Variants in ROBO1 observed in about 807,000 individuals in gnomAD.
The protein encoded by ROBO1 is roundabout guidance receptor 1, also known as roundabout homolog 1.
In ROBO1, 149 loss-of-function variants were observed where a neutral mutation model predicts 195.9. The ratio of observed to expected loss-of-function variants is 0.76; its 90% confidence interval spans 0.67 to 0.87. The LOEUF is 0.87. Ranked by LOEUF, ROBO1 falls within the 40% of genes least tolerant of loss-of-function variation. The pLI, the probability that ROBO1 is intolerant of heterozygous loss-of-function variation, is 0.00. For synonymous variants in ROBO1, 816 were observed against 733.2 expected, an observed-to-expected ratio of 1.11 and a Z score of -1.82; for missense variants, 1,933 against 2,068.3, an observed-to-expected ratio of 0.93 and a Z score of 1.27.
rs113767434 is a variant in ROBO1, at chr3:79,093,441, A to G, written c.172+32015T>C. Among the ~76,000 whole-genome samples the G allele has an allele frequency of 7.8e-3, 1,190 of 152,296 alleles. 19 individuals carry two copies. The highest frequency in any genetic ancestry group is 0.027 in the African/African-American group (1,121 of 41,572). ...GGCTTGTCAATAAGCACAATTATCT[A>G]CAACTTACACCAACAAAAGATTATT... On this transcript the variant is annotated intron_variant, in intron 3 of 30. Coordinates refer to ENST00000464233, the MANE Select transcript of ROBO1 (RefSeq NM_002941.4).
rs745491470 is a variant in ROBO1, at chr3:78,962,102, G to C, written c.173-23175C>G. ...ACTAATCACTAGAGTGAAAATACTT[G>C]ATCAAAGTTGACAACAAATAATCCC... On this transcript the variant is annotated intron_variant, in intron 3 of 30. Transcript: ENST00000464233. 6.4e-4 allele frequency among the ~76,000 whole-genome samples: 97 copies of C among 152,224 alleles called. 1 individual carries two copies. Among genetic ancestry groups the C allele is most frequent in the Non-Finnish European group, 9.1e-4 (62 of 68,010 alleles).
intron 21 of ROBO1, 82 bp downstream of exon 21, chr3:78,646,066 G>T: frequency 8.3e-7 from 1 of 1,206,154 alleles, no homozygotes; most frequent in Non-Finnish European, 1.2e-6. Flanking sequence ...GACTTTTTAA[G>T]CAGAGAAAGT....
chr3:79,182,948 G>T (rs2081370385), intron 2 of ROBO1, among the ~76,000 whole-genome samples: 1 of 151,772 alleles, frequency 6.6e-6, no homozygotes, highest in African/African-American at 2.4e-5. Context: ...AGGTGTGGTG[G>T]CACGTGCCTG....
intron 1 of ROBO1, among the ~76,000 whole-genome samples, chr3:79,675,348 A>G (rs1195842439): frequency 6.6e-6 from 1 of 152,042 alleles, no homozygotes; most frequent in Non-Finnish European, 1.5e-5. Context: ...TGTTGAATCC[A>G]ACTCTCAATT....
chr3:78,857,606 C>A (rs116053093), intron 4 of ROBO1, among the ~76,000 whole-genome samples: 1 of 152,122 alleles, frequency 6.6e-6, no homozygotes, highest in Non-Finnish European at 1.5e-5. Context: ...GGAACATTTT[C>A]GAAAGGCAAA....
chr3:78,639,627 A>G, intron 22 of ROBO1, 117 bp downstream of exon 22: 1 of 985,576 alleles, frequency 1.0e-6, no homozygotes, highest in Non-Finnish European at 1.5e-6. Context: ...AATAGTCAGC[A>G]TTGGATAAAA....
intron 1 of ROBO1, among the ~76,000 whole-genome samples, chr3:79,760,122 A>C (rs1704607230): frequency 6.6e-6 from 1 of 151,408 alleles, no homozygotes; most frequent in African/African-American, 2.4e-5. Flanking sequence ...CTGTAGTCCC[A>C]GTTACTCGGG....
chr3:78,752,215 C>G (rs1270778795), intron 4 of ROBO1, among the ~76,000 whole-genome samples: 1 of 152,014 alleles, frequency 6.6e-6, no homozygotes, highest in African/African-American at 2.4e-5. Context: ...ACTCCTAGTT[C>G]CCTGTCTGAA....
At chr3:79,404,174 C>T (rs2037462172) in intron 2 of ROBO1, among the ~76,000 whole-genome samples, 1 of 152,004 alleles carries the variant, frequency 6.6e-6, no homozygotes, top group South Asian at 2.1e-4. Context: ...AACAGCTGAA[C>T]ACTTTCTCCT....
intron 1 of ROBO1, among the ~76,000 whole-genome samples, chr3:79,605,554 G>T (rs1306709089): frequency 1.3e-5 from 2 of 151,728 alleles, no homozygotes; most frequent in Non-Finnish European, 2.9e-5. Flanking sequence ...GTCTTTCCCA[G>T]CTCTACCATT....
At chr3:78,944,798 C>T (rs1358876125) in intron 3 of ROBO1, among the ~76,000 whole-genome samples, 1 of 152,166 alleles carries the variant, frequency 6.6e-6, no homozygotes, top group Non-Finnish European at 1.5e-5. Flanking sequence ...CCTGGAAAAT[C>T]GGGTCACTCC....
intron 3 of ROBO1, among the ~76,000 whole-genome samples, chr3:78,993,066 C>G (rs747127513): frequency 6.6e-6 from 1 of 152,114 alleles, no homozygotes; most frequent in Non-Finnish European, 1.5e-5. Flanking sequence ...CTCATAATCC[C>G]ACCATTTATA....
At chr3:79,028,194 G>C (rs973239406) in intron 3 of ROBO1, among the ~76,000 whole-genome samples, 1 of 151,858 alleles carries the variant, frequency 6.6e-6, no homozygotes, top group Non-Finnish European at 1.5e-5. Context: ...GAAACTGCCA[G>C]CAAAAGAAAG....
chr3:79,289,408 G>A (rs1016520354), intron 2 of ROBO1, among the ~76,000 whole-genome samples: 1 of 152,130 alleles, frequency 6.6e-6, no homozygotes, highest in African/African-American at 2.4e-5. Flanking sequence ...GAGGGAGAGA[G>A]GTTTGAAATT....
At chr3:78,925,137 C>CT (rs1300141341) in intron 4 of ROBO1, among the ~76,000 whole-genome samples, 2 of 151,958 alleles carry the variant, frequency 1.3e-5, no homozygotes, top group Non-Finnish European at 2.9e-5. Context: ...TTAATGAATA[C>CT]TTTTTTCTGC....
intron 2 of ROBO1, among the ~76,000 whole-genome samples, chr3:79,198,155 G>GT (rs1249298133): frequency 2.0e-5 from 3 of 151,992 alleles, no homozygotes; most frequent in African/African-American, 7.2e-5. Context: ...TTCTTCTAGG[G>GT]TTTTTATGGT....
At chr3:79,623,194 C>G (rs1945063943) in intron 1 of ROBO1, among the ~76,000 whole-genome samples, 1 of 152,168 alleles carries the variant, frequency 6.6e-6, no homozygotes, top group South Asian at 2.1e-4. Context: ...ATCCAAGTGT[C>G]AGCAGCCTCA....
chr3:79,145,634 G>C (rs1161581057), intron 2 of ROBO1, among the ~76,000 whole-genome samples: 1 of 151,874 alleles, frequency 6.6e-6, no homozygotes, highest in African/African-American at 2.4e-5. Flanking sequence ...AAAAAATGTT[G>C]CCCGACTGAC....
At chr3:78,930,557 T>C (rs1171413495) in intron 4 of ROBO1, among the ~76,000 whole-genome samples, 1 of 152,248 alleles carries the variant, frequency 6.6e-6, no homozygotes, top group Non-Finnish European at 1.5e-5. Context: ...ATAAGCCATT[T>C]TGAGCTAACA....
Sources: allele counts gnomAD v4.1 joint callset (sites outside exome capture counted in the v4.1 genomes callset), GRCh38; gene constraint gnomAD v4.1.1; transcripts MANE v1.5; gene names NCBI Gene and HGNC (gene_info 2026-07-23, HGNC 2026-07-21).